The following MAD1L1 variants were observed in gnomAD, a reference collection of about 807,000 sequenced individuals.
The protein encoded by MAD1L1 is mitotic arrest deficient 1 like 1.
In MAD1L1, 95 loss-of-function variants were observed where a neutral mutation model predicts 96.9. That is an observed-to-expected ratio of 0.98 (90% CI 0.83 to 1.16). The LOEUF (loss-of-function observed/expected upper bound fraction) is 1.16, where lower values mean the gene tolerates loss of function less well. MAD1L1 is among the 50% of genes most tolerant of loss of function. The pLI is 0.00. For synonymous variants in MAD1L1, 473 were observed against 396.6 expected, an observed-to-expected ratio of 1.19 and a Z score of -2.29; for missense variants, 1,007 against 954.4, an observed-to-expected ratio of 1.06 and a Z score of -0.73.
intron 14 of MAD1L1, among the ~76,000 whole-genome samples, chr7:1,988,746 G>C (rs200454147): frequency 1.3e-5 from 2 of 152,240 alleles, no homozygotes; most frequent in South Asian, 4.1e-4. Context: ...CAGGATTCCC[G>C]GCGGCCAGGG....
intron 15 of MAD1L1, among the ~76,000 whole-genome samples, chr7:1,971,316 CTACAG>C (rs1160114577): frequency 6.6e-6 from 1 of 152,206 alleles, no homozygotes; most frequent in Admixed American, 6.5e-5. Flanking sequence ...CTCCTACAGG[CTACAG>C]TTGGTCTTTC....
Position 2,142,250 on chromosome 7 carries a change from G to A in MAD1L1, c.1073+6902C>T, listed in dbSNP as rs942743102. 6.6e-6 allele frequency among the ~76,000 whole-genome samples: 1 copy of A among 152,234 alleles called. No homozygotes were observed. The highest frequency in any genetic ancestry group is 1.5e-5 in the Non-Finnish European group (1 of 68,040). Reference sequence around the variant, plus strand: ...TCGCCAAAGAACAAGGCAGGCACGTGCCAGCATCCGCACTGGAACCACCAC... The same window carrying A: ...TCGCCAAAGAACAAGGCAGGCACGTACCAGCATCCGCACTGGAACCACCAC... On this transcript the variant is annotated intron_variant, in intron 11 of 18. Coordinates refer to ENST00000265854, the MANE Select transcript of MAD1L1 (RefSeq NM_001013836.2). This position sits in a 1 kb window ranked among gnomAD's most constrained non-coding sequence, Gnocchi z 4.7.
chr7:1,909,681 G>A (rs1787890727), intron 17 of MAD1L1, among the ~76,000 whole-genome samples: 1 of 152,160 alleles, frequency 6.6e-6, no homozygotes, highest in South Asian at 2.1e-4. Context: ...CCGAGGGGCT[G>A]GCAGGCATCA....
rs1786720730 is a variant in MAD1L1, at chr7:2,100,452, T to C, written c.1074-31114A>G. ...TCCAGACATTACAATGCTGGTGCCT[T>C]GCTCTGTGGTACTGCCGCTTTGCTT... On this transcript the variant is annotated intron_variant, in intron 11 of 18. Coordinates refer to ENST00000265854, the MANE Select transcript of MAD1L1 (RefSeq NM_001013836.2). Among the ~76,000 whole-genome samples the C allele has an allele frequency of 2.0e-5, 3 of 152,360 alleles. No homozygotes were observed. In the South Asian group the frequency reaches 6.2e-4, roughly 32 times the overall value.
At chr7:1,900,349 G>C (rs115162748) in intron 17 of MAD1L1, among the ~76,000 whole-genome samples, 2,488 of 152,308 alleles carry the variant, frequency 0.016, 62 homozygotes, top group African/African-American at 0.058. Context: ...ACAACCGCAG[G>C]CCTGTCAGCA....
chr7:2,095,335 C>T (rs182812279), intron 11 of MAD1L1, among the ~76,000 whole-genome samples: 405 of 152,230 alleles, frequency 2.7e-3, no homozygotes, highest in Non-Finnish European at 3.4e-3. Context: ...TGAGCCACGG[C>T]GCCCAGCCTG....
At chr7:2,225,984 G>A (rs1793873506) in intron 3 of MAD1L1, among the ~76,000 whole-genome samples, 1 of 152,196 alleles carries the variant, frequency 6.6e-6, no homozygotes, top group Non-Finnish European at 1.5e-5. Context: ...TGCCAGCCCA[G>A]TACAGCCATC....
chr7:1,817,883 C>T (rs926718121), intron 18 of MAD1L1, among the ~76,000 whole-genome samples: 2 of 151,850 alleles, frequency 1.3e-5, no homozygotes, highest in Non-Finnish European at 2.9e-5. Context: ...GATGGTGTCG[C>T]CCCTCCCCTC....
At chr7:1,959,727 C>G (rs1429019306) in intron 15 of MAD1L1, among the ~76,000 whole-genome samples, 1 of 152,196 alleles carries the variant, frequency 6.6e-6, no homozygotes, top group African/African-American at 2.4e-5. Context: ...AATAAAGATG[C>G]CTTCAGATCA....
intron 17 of MAD1L1, among the ~76,000 whole-genome samples, chr7:1,927,268 A>G (rs1208762672): frequency 6.6e-6 from 1 of 152,260 alleles, no homozygotes; most frequent in Non-Finnish European, 1.5e-5. Context: ...CATTGTGTTC[A>G]TGTATCGGAA....
chr7:1,857,006 C>A (rs1444230550), intron 18 of MAD1L1, among the ~76,000 whole-genome samples: 1 of 151,104 alleles, frequency 6.6e-6, no homozygotes, highest in Admixed American at 6.6e-5. Flanking sequence ...CTGCTGGTCA[C>A]GCCTCCTGCC....
intron 10 of MAD1L1, among the ~76,000 whole-genome samples, chr7:2,178,426 T>TG (rs1791041490): frequency 6.6e-6 from 1 of 152,144 alleles, no homozygotes; most frequent in Non-Finnish European, 1.5e-5. Flanking sequence ...AAGATGGCGG[T>TG]GCACATGCAG....
chr7:1,940,964 G>GCAGGCCTTACCCTCCTCTTCCTCTCC, intron 16 of MAD1L1, among the ~76,000 whole-genome samples: 2 of 64,328 alleles, frequency 3.1e-5, no homozygotes, highest in Non-Finnish European at 7.4e-5. Flanking sequence ...TCCTCCCCCC[G>GCAGGCCTTACCCTCCTCTTCCTCTCC]CAGGCCTCAC....
chr7:2,228,092 G>C (rs898512344), intron 3 of MAD1L1, among the ~76,000 whole-genome samples: 4 of 152,072 alleles, frequency 2.6e-5, no homozygotes, highest in Non-Finnish European at 5.9e-5. Context: ...GGCTGGTCTT[G>C]CCGCCATCAC....
chr7:1,940,939 G>A (rs928838090), intron 16 of MAD1L1, among the ~76,000 whole-genome samples: 53 of 151,574 alleles, frequency 3.5e-4, no homozygotes, highest in African/African-American at 1.3e-3. Flanking sequence ...CCTCCCCCAG[G>A]CCTCACCCTC....
chr7:2,162,770 G>A (rs946050211), intron 10 of MAD1L1, among the ~76,000 whole-genome samples: 1 of 147,912 alleles, frequency 6.8e-6, no homozygotes, highest in Non-Finnish European at 1.5e-5. Context: ...ATCAAATGAT[G>A]CGTGTATCTC....
At position 1,957,563 on chromosome 7, in the gene MAD1L1, G is replaced by A. The variant is rs1779778905; in HGVS notation, c.1596+66C>T. The A allele has an allele frequency of 6.6e-6, 10 of 1,516,910 alleles. No homozygotes were observed. In the South Asian group the frequency reaches 8.1e-5, roughly 12 times the overall value. The allele number at this position is 1,516,910 out of a possible 1,614,324, so 94.0% of individuals were successfully genotyped here. On this transcript the variant is annotated intron_variant, in intron 16 of 18. Coordinates refer to ENST00000265854, the MANE Select transcript of MAD1L1 (RefSeq NM_001013836.2). ...TTCTGTGGCAGCAGGAACCACGGTC[G>A]TTCACGACGCCCAAAGAAATGAGAG...
At chr7:1,816,993 T>G (rs542326858) in intron 18 of MAD1L1, 1 of 152,238 alleles carries the variant, frequency 6.6e-6, no homozygotes, top group African/African-American at 2.4e-5. Context: ...GTACCCAGAA[T>G]ATGCCCAGAA....
chr7:2,190,681 C>T (rs956216496), intron 10 of MAD1L1, among the ~76,000 whole-genome samples: 1 of 152,120 alleles, frequency 6.6e-6, no homozygotes, highest in South Asian at 2.1e-4. Flanking sequence ...ATATGGCCGT[C>T]AAGTTAAGTA....
Sources: gnomAD v4.1 joint callset for allele counts (sites outside exome capture counted in the v4.1 genomes callset) on GRCh38, gnomAD v4.1.1 for gene constraint, Gnocchi (gnomAD v3.1) non-coding constraint, MANE v1.5 for transcripts, NCBI Gene and HGNC (gene_info 2026-07-23, HGNC 2026-07-21) for gene names.